CMIP: variants seen among roughly 807,000 people sequenced by gnomAD.
The protein encoded by CMIP is c-Maf inducing protein.
A neutral mutation model predicts 97.3 loss-of-function variants in CMIP; 13 were observed. The observed-to-expected ratio is 0.13, with a 90% CI of 0.09 to 0.21. The LOEUF is 0.21. Ranked by LOEUF, CMIP falls within the 10% of genes least tolerant of loss-of-function variation. CMIP has a pLI of 1.00. For synonymous variants in CMIP, 538 were observed against 436.3 expected, an observed-to-expected ratio of 1.23 and a Z score of -2.91; for missense variants, 847 against 1,024.9, an observed-to-expected ratio of 0.83 and a Z score of 2.37.
intron 13 of CMIP, chr16:81,695,416 A>C (rs1906600576): frequency 6.6e-6 from 1 of 152,274 alleles, no homozygotes; most frequent in Non-Finnish European, 1.5e-5. Context: ...AGGGAAAAAT[A>C]AAAGCCACTG....
chr16:81,635,618 C>T (rs577203281), intron 3 of CMIP, among the ~76,000 whole-genome samples: 5 of 152,174 alleles, frequency 3.3e-5, no homozygotes, highest in South Asian at 2.1e-4. Context: ...CAGTTTTTGC[C>T]GTTGAAAGTC....
intron 3 of CMIP, among the ~76,000 whole-genome samples, chr16:81,643,669 A>G (rs1327511246): frequency 3.3e-5 from 5 of 152,090 alleles, no homozygotes; most frequent in Non-Finnish European, 5.9e-5. Flanking sequence ...GTGGGCGCCT[A>G]TAATCCCAGC....
rs769974029 is a variant in CMIP, at chr16:81,557,677, A to T, written c.301-49890A>T. On this transcript the variant is annotated intron_variant, in intron 1 of 20. Transcript: ENST00000537098. ...GTGGTCCCCGCTACTCAGGAGGCCA[A>T]GGTGGGAGGATCGCCTAGTTCAAGG... is the stretch of plus-strand genomic sequence containing the variant. Among the ~76,000 whole-genome samples, 20 of 152,352 alleles carry T rather than the reference A, an allele frequency of 1.3e-4. No individual in the cohort carries two copies. In the East Asian group the frequency reaches 3.9e-3, roughly 29 times the overall value.
At chr16:81,635,237 G>C (rs2092219329) in intron 3 of CMIP, among the ~76,000 whole-genome samples, 1 of 140,034 alleles carries the variant, frequency 7.1e-6, no homozygotes, top group Non-Finnish European at 1.5e-5. Context: ...AGTGCAAATT[G>C]CTTTTTCGCT....
intron 19 of CMIP, 106 bp from the exon 20 acceptor site, chr16:81,706,908 A>G: frequency 2.2e-6 from 2 of 909,254 alleles, no homozygotes; most frequent in South Asian, 3.0e-5. Flanking sequence ...CCCATCTCCT[A>G]ACAGGGGGCC....
chr16:81,620,541 A>G (rs912319257), intron 2 of CMIP: 1 of 269,738 alleles, frequency 3.7e-6, no homozygotes, highest in South Asian at 4.9e-5. Context: ...CAGGCCTCCA[A>G]CCAGTTCATC....
intron 1 of CMIP, among the ~76,000 whole-genome samples, chr16:81,520,904 G>A (rs1263020796): frequency 6.6e-6 from 1 of 152,146 alleles, no homozygotes; most frequent in East Asian, 1.9e-4. Context: ...TCTCCCGTAG[G>A]AGCTGCTGTC....
intron 10 of CMIP, among the ~76,000 whole-genome samples, chr16:81,681,579 A>G (rs1427545406): frequency 1.3e-5 from 2 of 152,246 alleles, no homozygotes; most frequent in African/African-American, 2.4e-5. Flanking sequence ...CACCTGGCCA[A>G]TGGGAGTAGC....
intron 1 of CMIP, chr16:81,606,915 A>C (rs2091753028): frequency 6.5e-6 from 1 of 154,924 alleles, no homozygotes; most frequent in Admixed American, 6.5e-5. Context: ...TTTCTGGGAC[A>C]AGGAGCCGGC....
At chr16:81,663,760 C>A (rs2092573183) in intron 6 of CMIP, among the ~76,000 whole-genome samples, 1 of 152,128 alleles carries the variant, frequency 6.6e-6, no homozygotes. Context: ...ATGAGACCAG[C>A]TTGTGGGGTA....
Position 81,627,856 on chromosome 16 carries a change from G to T in CMIP, c.477+6930G>T, listed in dbSNP as rs4587965. 6.6e-6 allele frequency among the ~76,000 whole-genome samples: 1 copy of T among 152,134 alleles called. No individual in the cohort carries two copies. Among genetic ancestry groups the T allele is most frequent in the Non-Finnish European group, 1.5e-5 (1 of 68,006 alleles). The stretch of plus-strand genomic sequence containing the variant: ...TCCATGTTCTGTGTTGGGAGCTGGC[G>T]CTGGGGGACCACAACCCTCAAAGTC... On this transcript the variant is annotated intron_variant, in intron 3 of 20. Coordinates refer to ENST00000537098, the MANE Select transcript of CMIP (RefSeq NM_198390.3). The surrounding 1 kb of genome is among the most constrained non-coding windows in gnomAD (Gnocchi z 4.6).
chr16:81,626,787 G>T (rs1428329991), intron 3 of CMIP, among the ~76,000 whole-genome samples: 2 of 23,690 alleles, frequency 8.4e-5, no homozygotes, highest in Admixed American at 9.2e-4. Context: ...GAGAGAGAGA[G>T]AGTGTGTGTG....
intron 1 of CMIP, among the ~76,000 whole-genome samples, chr16:81,505,389 C>T (rs1331656185): frequency 6.6e-6 from 1 of 152,188 alleles, no homozygotes; most frequent in Admixed American, 6.5e-5. Context: ...CCTGGTCCTC[C>T]AGACCCCACG....
At chr16:81,527,451 T>C (rs2090154143) in intron 1 of CMIP, among the ~76,000 whole-genome samples, 1 of 152,230 alleles carries the variant, frequency 6.6e-6, no homozygotes, top group Non-Finnish European at 1.5e-5. Context: ...TTCTTCTTCT[T>C]TCTTTTTATT....
intron 9 of CMIP, among the ~76,000 whole-genome samples, chr16:81,677,822 C>A (rs929130643): frequency 2.2e-4 from 34 of 152,254 alleles, no homozygotes; most frequent in Middle Eastern, 3.4e-3. Context: ...TCCTGGAGGA[C>A]ATTGTGGCAT....
At chr16:81,584,238 A>G (rs1438183814) in intron 1 of CMIP, among the ~76,000 whole-genome samples, 1 of 152,152 alleles carries the variant, frequency 6.6e-6, no homozygotes, top group Non-Finnish European at 1.5e-5. Context: ...GCCCCCTACT[A>G]GAAGGAAAAC....
At chr16:81,668,769 C>T (rs75281946) in intron 7 of CMIP, among the ~76,000 whole-genome samples, 23,535 of 151,598 alleles carry the variant, frequency 0.16, 2,094 homozygotes, top group East Asian at 0.38. Flanking sequence ...ACATGTATGC[C>T]TCTGTCCACA....
intron 18 of CMIP, 47 bp downstream of exon 18, chr16:81,704,132 C>T: frequency 1.9e-6 from 3 of 1,547,216 alleles, no homozygotes; most frequent in African/African-American, 1.4e-5. Flanking sequence ...TCCTCCTTCA[C>T]CTCTGCACTC....
chr16:81,654,283 G>T lies in CMIP; in HGVS notation c.639+1919G>T, dbSNP rs1359691510. Among the ~76,000 whole-genome samples, 3 of 150,700 alleles carry T rather than the reference G, an allele frequency of 2.0e-5. No individual in the cohort carries two copies. The East Asian group carries it at 5.8e-4, about 29-fold the overall frequency. ...AATGGGGTCTCACTGTGTTGCCCAGGTTGGTCTCAAACTCCTGGGCTCAAG... is the reference window on the plus strand; with the variant it reads ...AATGGGGTCTCACTGTGTTGCCCAGTTTGGTCTCAAACTCCTGGGCTCAAG... On this transcript the variant is annotated intron_variant, in intron 4 of 20. Coordinates refer to ENST00000537098, the MANE Select transcript of CMIP (RefSeq NM_198390.3).
Sources: gnomAD v4.1 joint callset for allele counts (sites outside exome capture counted in the v4.1 genomes callset) on GRCh38, gnomAD v4.1.1 for gene constraint, Gnocchi (gnomAD v3.1) non-coding constraint, MANE v1.5 for transcripts, NCBI Gene and HGNC (gene_info 2026-07-23, HGNC 2026-07-21) for gene names.